The following DRC8 variants were observed in gnomAD, a reference collection of about 807,000 sequenced individuals.
The protein encoded by DRC8 is dynein regulatory complex protein 8.
chr1:245,044,700 G>A, the DRC8 span, among the ~76,000 whole-genome samples: 3 of 152,012 alleles, frequency 2.0e-5, no homozygotes, highest in Non-Finnish European at 4.4e-5. Context: ...CTTAGTAGGT[G>A]GGATTACAGG....
At chr1:245,109,530 C>G in the DRC8 span, among the ~76,000 whole-genome samples, 7 of 152,220 alleles carry the variant, frequency 4.6e-5, no homozygotes, top group Non-Finnish European at 1.0e-4. Flanking sequence ...GTGCATCGCT[C>G]TTTCCTCCAC....
At chr1:245,099,852 TAGAG>T in the DRC8 span, among the ~76,000 whole-genome samples, 1 of 152,188 alleles carries the variant, frequency 6.6e-6, no homozygotes, top group Non-Finnish European at 1.5e-5. Flanking sequence ...TGTTTTACTA[TAGAG>T]AGTTAGTAGA....
At chr1:245,104,468 C>T in the DRC8 span, among the ~76,000 whole-genome samples, 1 of 149,924 alleles carries the variant, frequency 6.7e-6, no homozygotes, top group South Asian at 2.1e-4. Context: ...TGCGCCACTG[C>T]ACTCCAGCCT....
the DRC8 span, among the ~76,000 whole-genome samples, chr1:245,066,716 G>T: frequency 1.3e-5 from 2 of 152,068 alleles, no homozygotes; most frequent in Non-Finnish European, 2.9e-5. Flanking sequence ...GACCATCCTG[G>T]CTAACATGGT....
the DRC8 span, among the ~76,000 whole-genome samples, chr1:245,054,159 GTTT>G: frequency 6.6e-6 from 1 of 151,986 alleles, no homozygotes; most frequent in Admixed American, 6.6e-5. Flanking sequence ...GTTTTTTGGG[GTTT>G]TTGTTTGTTT....
chr1:245,095,875 T>C, the DRC8 span, among the ~76,000 whole-genome samples: 8 of 152,170 alleles, frequency 5.3e-5, no homozygotes, highest in Admixed American at 3.9e-4. Flanking sequence ...TTTGCTAATG[T>C]GTTTTCAATC....
the DRC8 span, among the ~76,000 whole-genome samples, chr1:245,116,385 C>T: frequency 6.6e-6 from 1 of 152,006 alleles, no homozygotes; most frequent in Non-Finnish European, 1.5e-5. Flanking sequence ...GAGACCTTGC[C>T]TCTTAAAAAC....
chr1:245,041,974 T>C, the DRC8 span, among the ~76,000 whole-genome samples: 1 of 152,168 alleles, frequency 6.6e-6, no homozygotes, highest in East Asian at 1.9e-4. Flanking sequence ...ACACAGTCTA[T>C]GGTAATTTGT....
At chr1:245,117,817 A>G in the DRC8 span, among the ~76,000 whole-genome samples, 2 of 152,086 alleles carry the variant, frequency 1.3e-5, no homozygotes, top group African/African-American at 4.8e-5. Context: ...AAAAATACAC[A>G]AATTAGCTGA....
At chr1:245,006,906 C>G in the DRC8 span, among the ~76,000 whole-genome samples, 6 of 152,174 alleles carry the variant, frequency 3.9e-5, no homozygotes, top group South Asian at 1.0e-3. Flanking sequence ...TGAATTCCAG[C>G]CTGGGCAACA....
At chr1:245,032,579 A>G in the DRC8 span, among the ~76,000 whole-genome samples, 1 of 152,178 alleles carries the variant, frequency 6.6e-6, no homozygotes, top group African/African-American at 2.4e-5. Context: ...GAAAGCTTGT[A>G]TTTCTGTCTC....
the DRC8 span, among the ~76,000 whole-genome samples, chr1:245,085,495 T>G: frequency 1.3e-5 from 2 of 151,292 alleles, no homozygotes; most frequent in African/African-American, 4.9e-5. Flanking sequence ...AATGGGGAGG[T>G]AGGAATGAAC....
the DRC8 span, among the ~76,000 whole-genome samples, chr1:244,997,739 T>A: frequency 1.3e-3 from 191 of 152,122 alleles, no homozygotes; most frequent in African/African-American, 4.4e-3. Flanking sequence ...GAAACGAGGT[T>A]TCACCATGTT....
chr1:244,986,744 C>CAAA, the DRC8 span, among the ~76,000 whole-genome samples: 3 of 76,126 alleles, frequency 3.9e-5, no homozygotes, highest in Admixed American at 1.5e-4. Flanking sequence ...GACCCTGTCT[C>CAAA]AAAAAAAAAA....
At chr1:244,979,361 A>G in the DRC8 span, among the ~76,000 whole-genome samples, 4 of 120,280 alleles carry the variant, frequency 3.3e-5, no homozygotes, top group African/African-American at 9.7e-5. Context: ...GTTGGAATGC[A>G]GTGGCGTGAT....
At chr1:245,101,275 A>G in the DRC8 span, among the ~76,000 whole-genome samples, 1 of 152,174 alleles carries the variant, frequency 6.6e-6, no homozygotes, top group Non-Finnish European at 1.5e-5. Context: ...GGAGGAACCA[A>G]CTTGTTTGTC....
chr1:244,976,306 A>G, the DRC8 span, among the ~76,000 whole-genome samples: 1 of 81,522 alleles, frequency 1.2e-5, no homozygotes, highest in African/African-American at 3.0e-5. Context: ...AGTTAAGAAA[A>G]CTTTTAAGTC....
chr1:245,059,234 T>A, the DRC8 span: 1 of 623,002 alleles, frequency 1.6e-6, no homozygotes, highest in East Asian at 2.9e-5. Context: ...ATCCTCCTTT[T>A]TCTTTCCCCA....
At chr1:245,094,901 T>G in the DRC8 span, among the ~76,000 whole-genome samples, 1 of 152,334 alleles carries the variant, frequency 6.6e-6, no homozygotes, top group South Asian at 2.1e-4. Flanking sequence ...TTTCCAAGGA[T>G]GTGTCTCTCT....
Sources: gnomAD v4.1 joint callset for allele counts (sites outside exome capture counted in the v4.1 genomes callset) on GRCh38, gnomAD v4.1.1 for gene constraint, MANE v1.5 for transcripts, NCBI Gene and HGNC (gene_info 2026-07-23, HGNC 2026-07-21) for gene names.